The following BRINP2 variants were observed in gnomAD, a reference collection of about 807,000 sequenced individuals.
BRINP2 encodes the protein BMP/retinoic acid inducible neural specific 2, also known as BMP/retinoic acid-inducible neural-specific protein 2.
Under a neutral mutation model 69.2 loss-of-function variants are expected in BRINP2, and 21 were observed. That is an observed-to-expected ratio of 0.30 (90% CI 0.22 to 0.44). The LOEUF (loss-of-function observed/expected upper bound fraction) is 0.44. Among genes scored for constraint, BRINP2 ranks in the 20% least tolerant of loss-of-function variants. The probability of loss-of-function intolerance (pLI) is 1.00; values close to 1 mark genes in which losing one functional copy is unlikely to be tolerated. For synonymous variants in BRINP2, 380 were observed against 394.1 expected (o/e 0.96, Z 0.42); for missense variants, 877 against 986.0 (o/e 0.89, Z 1.48).
intron 4 of BRINP2, among the ~76,000 whole-genome samples, chr1:177,261,710 A>G (rs1274983253): frequency 2.0e-5 from 3 of 152,168 alleles, no homozygotes; most frequent in African/African-American, 7.2e-5. Flanking sequence ...ATTTACAACT[A>G]TGGGAGAAAA....
chr1:177,208,262 A>G (rs1649121031), intron 1 of BRINP2, among the ~76,000 whole-genome samples: 2 of 152,172 alleles, frequency 1.3e-5, no homozygotes, highest in African/African-American at 4.8e-5. Context: ...GGAGACTGGA[A>G]AGTTGCCGCA....
chr1:177,250,023 C>T (rs1650530388), intron 2 of BRINP2, among the ~76,000 whole-genome samples: 1 of 152,194 alleles, frequency 6.6e-6, no homozygotes, highest in Non-Finnish European at 1.5e-5. Flanking sequence ...TTTTTTGAGA[C>T]AGGAGTCTTG....
intron 1 of BRINP2, among the ~76,000 whole-genome samples, chr1:177,196,761 T>A (rs1027346319): frequency 1.3e-5 from 2 of 152,196 alleles, no homozygotes; most frequent in African/African-American, 2.4e-5. Context: ...TGCTTGAGAA[T>A]CTTTGCAGTA....
At position 177,229,917 on chromosome 1, in the gene BRINP2, C is replaced by A; in HGVS notation, c.41C>A (p.Pro14Gln). Reference protein sequence around the residue: ...QCGTRFRGLRPAVAPWTALLA... With the variant: ...QCGTRFRGLRQAVAPWTALLA... ...GGCACTCGGTTTAGAGGGCTTCGGC[C>A]GGCGGTGGCCCCATGGACAGCCCTG... The change falls in exon 2 of 8, where the codon CCG (proline) becomes CAG (glutamine). Residue 14 changes from proline (P) to glutamine (Q), a missense_variant. This residue lies in a region of BRINP2 where 566 missense variants were observed against 625.2 expected (regional missense o/e 0.91). Coordinates refer to ENST00000361539, the MANE Select transcript of BRINP2 (RefSeq NM_021165.4). 1 of 1,607,052 alleles carries A rather than the reference C, an allele frequency of 6.2e-7. No homozygotes were observed. Among genetic ancestry groups the A allele is most frequent in the Non-Finnish European group, 8.5e-7 (1 of 1,175,658 alleles).
At chr1:177,226,757 AT>A (rs1298427766) in intron 1 of BRINP2, among the ~76,000 whole-genome samples, 1 of 152,052 alleles carries the variant, frequency 6.6e-6, no homozygotes, top group Non-Finnish European at 1.5e-5. Flanking sequence ...TACTGGCAGA[AT>A]TTGTTTTCTT....
At chr1:177,266,648 T>C (rs1651133856) in intron 4 of BRINP2, among the ~76,000 whole-genome samples, 1 of 150,386 alleles carries the variant, frequency 6.6e-6, no homozygotes, top group Non-Finnish European at 1.5e-5. Flanking sequence ...TAGTCCCAGC[T>C]ACTCGGGAGG....
At chr1:177,277,299 A>G (rs1391121396) in intron 6 of BRINP2, among the ~76,000 whole-genome samples, 1 of 151,926 alleles carries the variant, frequency 6.6e-6, no homozygotes, top group Non-Finnish European at 1.5e-5. Flanking sequence ...GTTGAAAAAT[A>G]AAAAATATGT....
chr1:177,249,065 T>G (rs1182514865), intron 2 of BRINP2, among the ~76,000 whole-genome samples: 1 of 152,156 alleles, frequency 6.6e-6, no homozygotes, highest in African/African-American at 2.4e-5. Flanking sequence ...TGTTATGCAA[T>G]TTGGGATAAA....
chr1:177,266,588 TCTCTA>T lies in BRINP2; in HGVS notation c.670-6897_670-6893del, dbSNP rs551661167. On this transcript the variant is annotated intron_variant, in intron 4 of 7. Coordinates refer to ENST00000361539, the MANE Select transcript of BRINP2 (RefSeq NM_021165.4). The stretch of plus-strand genomic sequence containing the variant: ...TCCTGGCTAACATGGTGAAACCCGG[TCTCTA>T]CTAAAAATACCAAAAAATTAGCCGG... Among the ~76,000 whole-genome samples the T allele has an allele frequency of 2.6e-5, 4 of 151,422 alleles. No individual in the cohort carries two copies. The South Asian group carries it at 8.3e-4, about 32-fold the overall frequency.
At chr1:177,267,927 T>G (rs938935016) in intron 4 of BRINP2, among the ~76,000 whole-genome samples, 3 of 152,244 alleles carry the variant, frequency 2.0e-5, no homozygotes, top group Admixed American at 6.5e-5. Context: ...CAGCTTCCAC[T>G]GGGCTGACTG....
chr1:177,259,976 T>C (rs1322559292), intron 4 of BRINP2, among the ~76,000 whole-genome samples: 2 of 152,248 alleles, frequency 1.3e-5, no homozygotes, highest in Non-Finnish European at 2.9e-5. Flanking sequence ...CCAAGTCTTA[T>C]TTAAAAACGT....
chr1:177,263,867 C>T (rs1166876562), intron 4 of BRINP2, among the ~76,000 whole-genome samples: 2 of 152,114 alleles, frequency 1.3e-5, no homozygotes, highest in Non-Finnish European at 2.9e-5. Flanking sequence ...ATCATGTATA[C>T]ACACACATCC....
At chr1:177,204,223 G>A (rs2102305868) in intron 1 of BRINP2, among the ~76,000 whole-genome samples, 1 of 152,196 alleles carries the variant, frequency 6.6e-6, no homozygotes, top group South Asian at 2.1e-4. Flanking sequence ...TTGAATTTGA[G>A]GCCGTTTTGA....
intron 1 of BRINP2, among the ~76,000 whole-genome samples, chr1:177,173,088 T>C (rs1647987743): frequency 6.6e-6 from 1 of 152,110 alleles, no homozygotes; most frequent in Admixed American, 6.5e-5. Flanking sequence ...ATGCTGGAGT[T>C]TGTGTGCTTT....
At chr1:177,245,310 G>C (rs775001318) in intron 2 of BRINP2, among the ~76,000 whole-genome samples, 42 of 152,054 alleles carry the variant, frequency 2.8e-4, no homozygotes, top group Non-Finnish European at 4.7e-4. Context: ...AAAAGGTGGA[G>C]CATGTAGGCC....
chr1:177,176,834 C>G (rs188289159), intron 1 of BRINP2, among the ~76,000 whole-genome samples: 1 of 152,122 alleles, frequency 6.6e-6, no homozygotes, highest in Non-Finnish European at 1.5e-5. Context: ...GCTCTCAGCT[C>G]ACATACAAAG....
chr1:177,182,708 G>C (rs1648297608), intron 1 of BRINP2, among the ~76,000 whole-genome samples: 2 of 152,204 alleles, frequency 1.3e-5, no homozygotes, highest in Non-Finnish European at 2.9e-5. Flanking sequence ...AGAGGCTCAG[G>C]CATGGTGAAC....
intron 1 of BRINP2, among the ~76,000 whole-genome samples, chr1:177,200,290 T>G (rs1648865877): frequency 4.3e-5 from 1 of 23,360 alleles, no homozygotes; most frequent in Non-Finnish European, 8.1e-5. Flanking sequence ...GGAAACTCTG[T>G]CTCAAAAAAA....
At chr1:177,181,026 C>A (rs1165470509) in intron 1 of BRINP2, among the ~76,000 whole-genome samples, 1 of 151,974 alleles carries the variant, frequency 6.6e-6, no homozygotes, top group African/African-American at 2.4e-5. Flanking sequence ...AGATCTCTTT[C>A]AAGTCTAACA....
Sources: allele counts gnomAD v4.1 joint callset (sites outside exome capture counted in the v4.1 genomes callset), GRCh38; gene constraint gnomAD v4.1.1; regional missense constraint gnomAD v4.1.1; transcripts MANE v1.5; gene names NCBI Gene and HGNC (gene_info 2026-07-23, HGNC 2026-07-21).